The following BEGAIN variants were observed in gnomAD, a reference collection of about 807,000 sequenced individuals.
BEGAIN encodes the protein brain-enriched guanylate kinase-associated protein.
In BEGAIN, 19 loss-of-function variants were observed where a neutral mutation model predicts 35.8. The observed-to-expected ratio is 0.53, with a 90% confidence interval of 0.37 to 0.78. The LOEUF (loss-of-function observed/expected upper bound fraction) is 0.78, where lower values mean the gene tolerates loss of function less well. Ranked by LOEUF, BEGAIN falls within the 30% of genes least tolerant of loss-of-function variation. BEGAIN has a pLI of 0.00. For missense variants in BEGAIN, 795 were observed against 853.6 expected (o/e 0.93, Z 0.85); for synonymous variants, 462 against 388.6 (o/e 1.19, Z -2.22).
intron 4 of BEGAIN, 22 bp from the exon 5 acceptor site, chr14:100,543,987 G>A: frequency 1.3e-6 from 2 of 1,579,842 alleles, no homozygotes; most frequent in Non-Finnish European, 1.7e-6. Context: ...ACAGTGGGAG[G>A]AGGAGGCCCG....
chr14:100,566,461 C>T (rs1350620931), intron 2 of BEGAIN, among the ~76,000 whole-genome samples: 1 of 152,072 alleles, frequency 6.6e-6, no homozygotes, highest in Non-Finnish European at 1.5e-5. Context: ...CTCAGGGCAC[C>T]CCATGAATGC....
At chr14:100,579,299 G>A (rs1041024379) in intron 1 of BEGAIN, among the ~76,000 whole-genome samples, 5 of 152,242 alleles carry the variant, frequency 3.3e-5, no homozygotes, top group Non-Finnish European at 4.4e-5. Flanking sequence ...AGTTGTTAAC[G>A]CTATGAGCAA....
chr14:100,581,118 T>A (rs539244919), intron 1 of BEGAIN, among the ~76,000 whole-genome samples: 2 of 152,052 alleles, frequency 1.3e-5, no homozygotes, highest in East Asian at 1.9e-4. Flanking sequence ...GCAAGCCACA[T>A]CCCCTCCTCA....
At chr14:100,571,050 G>A (rs1472677624) in intron 1 of BEGAIN, among the ~76,000 whole-genome samples, 1 of 151,990 alleles carries the variant, frequency 6.6e-6, no homozygotes, top group Non-Finnish European at 1.5e-5. Flanking sequence ...TGGGACCCCA[G>A]GGTGCACACT....
intron 2 of BEGAIN, among the ~76,000 whole-genome samples, chr14:100,550,161 G>T (rs963912790): frequency 1.3e-5 from 2 of 152,322 alleles, no homozygotes; most frequent in African/African-American, 4.8e-5. Context: ...CTGGCACATG[G>T]TGGGGCCTCG....
chr14:100,541,682 A>G (rs2140462341), intron 5 of BEGAIN, among the ~76,000 whole-genome samples: 1 of 152,286 alleles, frequency 6.6e-6, no homozygotes, highest in Middle Eastern at 3.4e-3. Flanking sequence ...TCTGCCACTG[A>G]GCCCCACCAG....
At chr14:100,546,764 G>T (rs2032529093) in intron 2 of BEGAIN, 102 bp from the exon 3 acceptor site, 4 of 464,742 alleles carry the variant, frequency 8.6e-6, no homozygotes, top group Non-Finnish European at 1.2e-5. Flanking sequence ...GCGAGTACCG[G>T]CGCGCGCGCG....
At position 100,568,035 on chromosome 14, in the gene BEGAIN, C is replaced by T; in HGVS notation, c.43-96G>A. 1 of 1,164,114 alleles carries T rather than the reference C, an allele frequency of 8.6e-7. No individual in the cohort carries two copies. The highest frequency in any genetic ancestry group is 3.4e-5 in the South Asian group (1 of 29,036). 72.1% of individuals were successfully genotyped at this position (1,164,114 alleles called of 1,614,324 possible). On this transcript the variant is annotated intron_variant, in intron 1 of 6. Coordinates refer to ENST00000554140, the MANE Select transcript of BEGAIN (RefSeq NM_001385089.1). This position sits in a 1 kb window ranked among gnomAD's most constrained non-coding sequence, Gnocchi z 7.5. ...GGCACAGCGGGCACGGCCGGGCAAC[C>T]CCGCGGGGCCCCGTCCGTGGGAAGC...
Position 100,568,467 on chromosome 14 carries a change from T to A in BEGAIN, c.43-528A>T. On this transcript the variant is annotated intron_variant, in intron 1 of 6. Coordinates refer to ENST00000554140, the MANE Select transcript of BEGAIN (RefSeq NM_001385089.1). This position sits in a 1 kb window ranked among gnomAD's most constrained non-coding sequence, Gnocchi z 7.5. ...CACACAATCCGAGGGCGATGGCATT[T>A]GGAGCCTCGACTCCTCAATCAGGGA... 7.8e-7 allele frequency: 1 copy of A among 1,286,424 alleles called. No individual in the cohort carries two copies. Among genetic ancestry groups the A allele is most frequent in the Non-Finnish European group, 1.0e-6 (1 of 987,288 alleles). 79.7% of individuals were successfully genotyped at this position (1,286,424 alleles called of 1,614,324 possible).
In BEGAIN at chr14:100,567,788, G is replaced by C; in HGVS notation, c.71+123C>G. The stretch of plus-strand genomic sequence containing the variant: ...ACACACGCACCTGGCCCGCAGCCCC[G>C]CCGAGGCCGCCCGCGGGCCCTGGGG... On this transcript the variant is annotated intron_variant, in intron 2 of 6. Transcript: ENST00000554140. The surrounding 1 kb of genome is among the most constrained non-coding windows in gnomAD (Gnocchi z 5.1). 1 of 1,034,874 alleles carries C rather than the reference G, an allele frequency of 9.7e-7. No homozygotes were observed. Among genetic ancestry groups the C allele is most frequent in the Non-Finnish European group, 1.3e-6 (1 of 785,008 alleles). 64.1% of individuals were successfully genotyped at this position (1,034,874 alleles called of 1,614,324 possible). A position where few individuals can be genotyped will look rare whatever the true frequency, so the allele number is the denominator to read the frequency against.
Position 100,541,392 on chromosome 14 carries a change from C to T in BEGAIN, c.409-813G>A, listed in dbSNP as rs556369656. 1.6e-4 allele frequency among the ~76,000 whole-genome samples: 24 copies of T among 152,302 alleles called. No individual in the cohort carries two copies. The Middle Eastern group carries it at 0.01, about 65-fold the overall frequency. On this transcript the variant is annotated intron_variant, in intron 5 of 6. Coordinates refer to ENST00000554140, the MANE Select transcript of BEGAIN (RefSeq NM_001385089.1). ...GCCACAGTCCCAACCCAGCCAGCAC[C>T]AGGCATCCTGCTGTCCAGGCAAGGC... is the stretch of plus-strand genomic sequence containing the variant.
chr14:100,539,730 C>T (rs1300446811), intron 6 of BEGAIN, among the ~76,000 whole-genome samples: 1 of 148,048 alleles, frequency 6.8e-6, no homozygotes. Flanking sequence ...TCTGTGGGTT[C>T]TACTGGGGGC....
intron 2 of BEGAIN, among the ~76,000 whole-genome samples, chr14:100,553,882 C>T (rs577227249): frequency 3.3e-5 from 5 of 152,250 alleles, no homozygotes; most frequent in Non-Finnish European, 7.3e-5. Flanking sequence ...AGGTGGGATG[C>T]TCCCTGGCTC....
At chr14:100,542,791 C>T (rs2031821477) in intron 5 of BEGAIN, among the ~76,000 whole-genome samples, 1 of 152,246 alleles carries the variant, frequency 6.6e-6, no homozygotes, top group Admixed American at 6.5e-5. Flanking sequence ...TCTTCCTGCT[C>T]CTGTCCTCGT....
rs1044470318 is a variant in BEGAIN, at chr14:100,570,022, G to A, written c.43-2083C>T. Among the ~76,000 whole-genome samples, 5 of 152,150 alleles carry A rather than the reference G, an allele frequency of 3.3e-5. No homozygotes were observed. The East Asian group carries it at 9.6e-4, about 29-fold the overall frequency. On this transcript the variant is annotated intron_variant, in intron 1 of 6. Transcript: ENST00000554140. Reference sequence around the variant, plus strand: ...GCGGGAGCAAAGCTCCAACAGAGAAGAGGCTTGCTGGAGATCCCGCAGCTG... The same window carrying A: ...GCGGGAGCAAAGCTCCAACAGAGAAAAGGCTTGCTGGAGATCCCGCAGCTG...
chr14:100,569,908 TAAC>T (rs2035018006), intron 1 of BEGAIN: 1 of 153,782 alleles, frequency 6.5e-6, no homozygotes, highest in African/African-American at 2.4e-5. Flanking sequence ...ACGGTAGTCA[TAAC>T]AATAACGTCC....
chr14:100,546,955 G>A, intron 2 of BEGAIN: 1 of 288,920 alleles, frequency 3.5e-6, no homozygotes, highest in Non-Finnish European at 6.5e-6. Context: ...GGTGGTGGCT[G>A]GAGGAGTCTT....
chr14:100,544,116 GACCCTGGTTC>G (rs2032033263), intron 4 of BEGAIN, 151 bp from the exon 5 acceptor site: 1 of 613,378 alleles, frequency 1.6e-6, no homozygotes, highest in Non-Finnish European at 2.9e-6. Context: ...AGCACAGACA[GACCCTGGTTC>G]AATTCCTGGG....
chr14:100,583,504 CCATT>C (rs1158081071), intron 1 of BEGAIN, among the ~76,000 whole-genome samples: 1 of 152,080 alleles, frequency 6.6e-6, no homozygotes, highest in Non-Finnish European at 1.5e-5. Context: ...CATGTATCAT[CCATT>C]GATATTTTGT....
Sources: gnomAD v4.1 joint callset for allele counts (sites outside exome capture counted in the v4.1 genomes callset) on GRCh38, gnomAD v4.1.1 for gene constraint, Gnocchi (gnomAD v3.1) non-coding constraint, MANE v1.5 for transcripts, NCBI Gene and HGNC (gene_info 2026-07-23, HGNC 2026-07-21) for gene names.